The following MAP3K13 variants were observed in gnomAD, a reference collection of about 807,000 sequenced individuals.
MAP3K13 encodes leucine zipper-bearing kinase.
A neutral mutation model predicts 104.0 loss-of-function variants in MAP3K13; 52 were observed. That is an observed-to-expected ratio of 0.50 (90% CI 0.40 to 0.63). The LOEUF is 0.63. Among genes scored for constraint, MAP3K13 ranks in the 20% least tolerant of loss-of-function variants. The pLI, the probability that MAP3K13 is intolerant of heterozygous loss-of-function variation, is 0.00. For synonymous variants in MAP3K13, 394 were observed against 442.2 expected (o/e 0.89, Z 1.37); for missense variants, 914 against 1,218.5 (o/e 0.75, Z 3.72).
In MAP3K13 at chr3:185,443,486, A is replaced by T; in HGVS notation, c.701A>T (p.Glu234Val). ...TQAPCYCIIM[E>V]YCAHGQLYEV... ...GCCCCATGTTATTGTATTATCATGG[A>T]ATACTGTGCCCATGGACAACTCTAC... The change falls in exon 4 of 14, where the codon GAA (glutamate) becomes GTA (valine). Residue 234 changes from glutamate (E) to valine (V), a missense_variant. Transcript: ENST00000265026. 1 of 1,614,068 alleles carries T rather than the reference A, an allele frequency of 6.2e-7. No individual in the cohort carries two copies. Among genetic ancestry groups the T allele is most frequent in the Non-Finnish European group, 8.5e-7 (1 of 1,179,974 alleles).
At chr3:185,292,679 A>G (rs1720785526) in intron 2 of MAP3K13, 2 of 985,458 alleles carry the variant, frequency 2.0e-6, no homozygotes, top group South Asian at 9.4e-5. Context: ...CTAGGAAGGT[A>G]GGTGATTTAA....
At chr3:185,350,941 A>G (rs188446172) in intron 2 of MAP3K13, among the ~76,000 whole-genome samples, 16 of 152,326 alleles carry the variant, frequency 1.1e-4, no homozygotes, top group African/African-American at 3.6e-4. Flanking sequence ...AGCACTCTTC[A>G]CTATAGCACA....
rs1718597048 is a variant in MAP3K13, at chr3:185,483,769, A to G, written c.*1313A>G. ...CTCTTTTTGCCCAGGCTAGAGTGCA[A>G]TGGCACAATCTCAGTTCACTGCAAC... On this transcript the variant is annotated 3_prime_UTR_variant, in exon 14 of 14. Coordinates refer to ENST00000265026, the MANE Select transcript of MAP3K13 (RefSeq NM_004721.5). 2 of 50,400 alleles carry G rather than the reference A, an allele frequency of 4.0e-5. No homozygotes were observed. Among genetic ancestry groups the G allele is most frequent in the South Asian group, 9.7e-4 (1 of 1,030 alleles). The allele number at this position is 50,400 out of a possible 1,614,324, so 3.1% of individuals were successfully genotyped here.
intron 5 of MAP3K13, among the ~76,000 whole-genome samples, chr3:185,448,744 T>G (rs1715724672): frequency 6.6e-6 from 1 of 152,220 alleles, no homozygotes; most frequent in Non-Finnish European, 1.5e-5. Context: ...CAAAATGTGC[T>G]AAACTCTTGG....
chr3:185,310,576 AAAAT>A (rs1244407875), intron 2 of MAP3K13, among the ~76,000 whole-genome samples: 3 of 152,192 alleles, frequency 2.0e-5, no homozygotes, highest in Non-Finnish European at 4.4e-5. Context: ...TGGACACACT[AAAAT>A]AAAAAAACAT....
In MAP3K13 at chr3:185,428,808, C is replaced by A. The variant is rs978952230; in HGVS notation, c.227C>A (p.Ser76Tyr). 6.2e-7 allele frequency: 1 copy of A among 1,614,034 alleles called. No homozygotes were observed. The highest frequency in any genetic ancestry group is 8.5e-7 in the Non-Finnish European group (1 of 1,180,032). ...TTVLTSVSED[S>Y]RDQFENSVLQ... is the part of the protein sequence containing the mutation. Reference sequence around the variant, plus strand: ...GTGTTGACGAGCGTAAGTGAGGATTCCAGGGACCAGTTTGAGAACAGCGTT... The same window carrying A: ...GTGTTGACGAGCGTAAGTGAGGATTACAGGGACCAGTTTGAGAACAGCGTT... Residue 76 changes from serine (S) to tyrosine (Y), a missense_variant, in exon 2 of 14, where the codon TCC becomes TAC. Physicochemically the swap from Ser to Tyr is moderately radical, Grantham distance 144. Around this residue, in one of 3 missense-constraint regions of MAP3K13, gnomAD observed 156 missense variants for 159.8 expected, o/e 0.98. Coordinates refer to ENST00000265026, the MANE Select transcript of MAP3K13 (RefSeq NM_004721.5).
At chr3:185,390,111 T>A (rs973002767) in intron 1 of MAP3K13, among the ~76,000 whole-genome samples, 8 of 152,164 alleles carry the variant, frequency 5.3e-5, no homozygotes, top group Non-Finnish European at 8.8e-5. Flanking sequence ...ATTATGTAAA[T>A]AATTCACAGA....
At chr3:185,287,765 T>C (rs1254680811) in intron 2 of MAP3K13, among the ~76,000 whole-genome samples, 2 of 152,088 alleles carry the variant, frequency 1.3e-5, no homozygotes, top group Non-Finnish European at 2.9e-5. Flanking sequence ...AAAGAAGTTA[T>C]AGGCTCATGC....
At chr3:185,291,949 T>C (rs956130975) in intron 2 of MAP3K13, 24 of 1,114,286 alleles carry the variant, frequency 2.2e-5, no homozygotes, top group Middle Eastern at 3.8e-4. Flanking sequence ...TAAGTTTTCA[T>C]TGATAGAGAA....
At chr3:185,404,116 A>G (rs959453585) in intron 1 of MAP3K13, among the ~76,000 whole-genome samples, 2 of 152,272 alleles carry the variant, frequency 1.3e-5, no homozygotes, top group Admixed American at 1.3e-4. Context: ...CTGCAGCAGT[A>G]GCAGCCATAC....
At chr3:185,361,439 C>T (rs1249462800), upstream of MAP3K13, among the ~76,000 whole-genome samples, 19 of 148,762 alleles carry the variant, frequency 1.3e-4, no homozygotes, top group Non-Finnish European at 2.1e-4. Context: ...CTTGCTCTGT[C>T]ACCCAGGCTG....
At chr3:185,421,254 C>T (rs1714109670) in intron 1 of MAP3K13, among the ~76,000 whole-genome samples, 1 of 151,866 alleles carries the variant, frequency 6.6e-6, no homozygotes, top group South Asian at 2.1e-4. Flanking sequence ...AGTGCAGTGG[C>T]AGCATCTCGG....
rs71164510 is a variant in MAP3K13, at chr3:185,471,451, C to CTTTT, written c.1644-1502_1644-1499dup. Reference sequence around the variant, plus strand: ...TGAGCCTGTACCTGGACGACCTTTACTTTTTTTTTTTTTTTTTTTTTTTTT... The same window carrying CTTTT: ...TGAGCCTGTACCTGGACGACCTTTACTTTTTTTTTTTTTTTTTTTTTTTTTTTTT... On this transcript the variant is annotated intron_variant, in intron 10 of 13. Transcript: ENST00000265026. Among the ~76,000 whole-genome samples the CTTTT allele has an allele frequency of 6.6e-4, 50 of 75,440 alleles. 1 individual carries two copies. The highest frequency in any genetic ancestry group is 2.2e-3 in the East Asian group (4 of 1,806). 49.5% of individuals were successfully genotyped at this position (75,440 alleles called of 152,430 possible). A position where few individuals can be genotyped will look rare whatever the true frequency, so the allele number is the denominator to read the frequency against.
At chr3:185,391,178 T>G (rs1263318304) in intron 1 of MAP3K13, among the ~76,000 whole-genome samples, 1 of 152,158 alleles carries the variant, frequency 6.6e-6, no homozygotes, top group Non-Finnish European at 1.5e-5. Context: ...ACAGAACTCT[T>G]TTCATTTTGT....
intron 1 of MAP3K13, among the ~76,000 whole-genome samples, chr3:185,419,088 C>T (rs1371836906): frequency 6.6e-6 from 1 of 151,272 alleles, no homozygotes; most frequent in Non-Finnish European, 1.5e-5. Context: ...GTGATCTTGG[C>T]TCACTGCAAC....
chr3:185,307,169 G>A (rs900465826), intron 2 of MAP3K13, among the ~76,000 whole-genome samples: 2 of 151,822 alleles, frequency 1.3e-5, no homozygotes, highest in Non-Finnish European at 2.9e-5. Context: ...GGCCTCTTTG[G>A]ATTCATCCTA....
At chr3:185,301,309 A>C (rs1721099461) in intron 2 of MAP3K13, among the ~76,000 whole-genome samples, 1 of 120,106 alleles carries the variant, frequency 8.3e-6, no homozygotes, top group African/African-American at 2.6e-5. Context: ...CCCATTTTTA[A>C]ATTGGATTTT....
At chr3:185,435,648 G>A (rs1156623867) in intron 2 of MAP3K13, among the ~76,000 whole-genome samples, 1 of 152,140 alleles carries the variant, frequency 6.6e-6, no homozygotes, top group African/African-American at 2.4e-5. Context: ...CTCATATCAG[G>A]AGAACGGGAT....
chr3:185,357,313 T>G (rs1280909049), intron 2 of MAP3K13, among the ~76,000 whole-genome samples: 1 of 151,456 alleles, frequency 6.6e-6, no homozygotes, highest in African/African-American at 2.4e-5. Flanking sequence ...CTGCATGTGG[T>G]GGCGGGCGCC....
Sources: gnomAD v4.1 joint callset for allele counts (sites outside exome capture counted in the v4.1 genomes callset) on GRCh38, gnomAD v4.1.1 for gene constraint, gnomAD v4.1.1 regional missense constraint, MANE v1.5 for transcripts, NCBI Gene and HGNC (gene_info 2026-07-23, HGNC 2026-07-21) for gene names.